The following PIP5K1B variants were observed in gnomAD, a reference collection of about 807,000 sequenced individuals.
PIP5K1B encodes the protein phosphatidylinositol-4-phosphate 5-kinase type 1 beta, also known as phosphatidylinositol 4-phosphate 5-kinase type-1 beta.
In PIP5K1B, 42 loss-of-function variants were observed where a neutral mutation model predicts 67.0. The ratio of observed to expected loss-of-function variants is 0.63; its 90% CI spans 0.49 to 0.81. The LOEUF (loss-of-function observed/expected upper bound fraction) is 0.81. Among genes scored for constraint, PIP5K1B ranks in the 30% least tolerant of loss-of-function variants. The pLI is 0.00. For synonymous variants in PIP5K1B, 214 were observed against 231.4 expected (o/e 0.92, Z 0.68); for missense variants, 459 against 646.3 (o/e 0.71, Z 3.14).
intron 1 of PIP5K1B, among the ~76,000 whole-genome samples, chr9:68,718,402 C>T (rs1827729536): frequency 6.6e-6 from 1 of 152,184 alleles, no homozygotes; most frequent in South Asian, 2.1e-4. Flanking sequence ...GGAAAACAAT[C>T]TCTGACTTTA....
intron 1 of PIP5K1B, among the ~76,000 whole-genome samples, chr9:68,733,247 G>A (rs995518654): frequency 6.6e-6 from 1 of 152,202 alleles, no homozygotes; most frequent in African/African-American, 2.4e-5. Flanking sequence ...TATGGCACTA[G>A]GTGCTGGTTA....
At chr9:68,779,328 C>T (rs922526291) in intron 2 of PIP5K1B, among the ~76,000 whole-genome samples, 1 of 150,902 alleles carries the variant, frequency 6.6e-6, no homozygotes, top group African/African-American at 2.5e-5. Context: ...CAATACCATC[C>T]TCTGTTTTGG....
intron 8 of PIP5K1B, among the ~76,000 whole-genome samples, chr9:68,903,831 CCAAAGTAACTTAA>C (rs1361499843): frequency 6.6e-6 from 1 of 152,112 alleles, no homozygotes; most frequent in Non-Finnish European, 1.5e-5. Flanking sequence ...CCTATAGATA[CCAAAGTAACTTAA>C]CATGTAAAAC....
chr9:68,820,479 C>T (rs1833683780), intron 3 of PIP5K1B, among the ~76,000 whole-genome samples: 1 of 152,044 alleles, frequency 6.6e-6, no homozygotes, highest in African/African-American at 2.4e-5. Context: ...GTGAGGTTGG[C>T]TCACCGTGAT....
intron 13 of PIP5K1B, 103 bp downstream of exon 13, chr9:68,935,148 A>G: frequency 1.1e-6 from 1 of 937,172 alleles, no homozygotes; most frequent in South Asian, 1.5e-5. Context: ...CTAAGAAATA[A>G]AATATATTAA....
chr9:68,913,747 G>C (rs1019403920), intron 8 of PIP5K1B, among the ~76,000 whole-genome samples: 1 of 152,010 alleles, frequency 6.6e-6, no homozygotes. Context: ...TTGGCCTCAC[G>C]AGGACAACTC....
At chr9:68,750,708 A>C (rs1427084044) in intron 2 of PIP5K1B, among the ~76,000 whole-genome samples, 1 of 152,232 alleles carries the variant, frequency 6.6e-6, no homozygotes, top group East Asian at 1.9e-4. Context: ...ACTTATATGC[A>C]CAATAAATTA....
intron 1 of PIP5K1B, among the ~76,000 whole-genome samples, chr9:68,716,467 A>G (rs58093852): frequency 0.12 from 18,075 of 152,270 alleles, 1,179 homozygotes; most frequent in African/African-American, 0.14. Context: ...GAAGTGCCCA[A>G]GAAACATGAA....
At chr9:68,881,699 G>A (rs1824206974) in intron 6 of PIP5K1B, among the ~76,000 whole-genome samples, 2 of 152,220 alleles carry the variant, frequency 1.3e-5, no homozygotes, top group Non-Finnish European at 2.9e-5. Flanking sequence ...TGGATTGTGA[G>A]ACAGTATGGT....
rs528138069 is a variant in PIP5K1B at position 68,974,488 on chromosome 9, G to T, written c.1503-16652G>T. On this transcript the variant is annotated intron_variant, in intron 14 of 15. Transcript: ENST00000265382. ...TGGGTATATAAAAGAACCACTGCCA[G>T]AGATTACTAAAGCTGTACCATGATT... Among the ~76,000 whole-genome samples, 3 of 152,326 alleles carry T rather than the reference G, an allele frequency of 2.0e-5. No individual in the cohort carries two copies. The East Asian group carries it at 5.8e-4, about 29-fold the overall frequency.
At chr9:68,806,758 C>T (rs572801464) in intron 2 of PIP5K1B, among the ~76,000 whole-genome samples, 2 of 152,270 alleles carry the variant, frequency 1.3e-5, no homozygotes, top group Non-Finnish European at 1.5e-5. Context: ...GACTCTAGAC[C>T]ACAGTCACCT....
chr9:68,937,084 G>T (rs182236662), intron 13 of PIP5K1B, among the ~76,000 whole-genome samples: 34 of 152,190 alleles, frequency 2.2e-4, no homozygotes, highest in East Asian at 3.9e-4. Flanking sequence ...TTTTTGCTGT[G>T]TCTCTGCCAG....
At chr9:68,976,202 A>G (rs1264966009) in intron 14 of PIP5K1B, among the ~76,000 whole-genome samples, 10 of 152,202 alleles carry the variant, frequency 6.6e-5, no homozygotes. Context: ...TAGGCCAGGA[A>G]TTGTTTCCTG....
At chr9:68,866,739 G>T (rs960431710) in intron 5 of PIP5K1B, among the ~76,000 whole-genome samples, 2 of 152,188 alleles carry the variant, frequency 1.3e-5, no homozygotes, top group Non-Finnish European at 2.9e-5. Flanking sequence ...AGAGGAAGGT[G>T]GGGGCTGGTG....
At chr9:68,947,059 G>T (rs868203082) in intron 14 of PIP5K1B, among the ~76,000 whole-genome samples, 1 of 152,204 alleles carries the variant, frequency 6.6e-6, no homozygotes, top group Non-Finnish European at 1.5e-5. Context: ...TGCAGCTGCC[G>T]CATAAGTCTC....
chr9:68,939,656 G>A (rs1249971279), intron 13 of PIP5K1B, among the ~76,000 whole-genome samples: 3 of 152,120 alleles, frequency 2.0e-5, no homozygotes, highest in Non-Finnish European at 4.4e-5. Context: ...CCAGTGTGTC[G>A]TCTGATTTCC....
In PIP5K1B at chr9:68,747,245, C is replaced by T. The variant is rs369416789; in HGVS notation, c.-86+4588C>T. Among the ~76,000 whole-genome samples the T allele has an allele frequency of 1.7e-4, 25 of 147,906 alleles. No individual in the cohort carries two copies. The East Asian group carries it at 2.3e-3, about 14-fold the overall frequency. ...TTCAGGAGGAGGAGGAGGCTTATCT[C>T]GTATGTGCACATTCTTCTGGTGTGT... On this transcript the variant is annotated intron_variant, in intron 2 of 15. Coordinates refer to ENST00000265382, the MANE Select transcript of PIP5K1B (RefSeq NM_003558.4).
At chr9:68,833,264 C>T (rs1834414864) in intron 4 of PIP5K1B, among the ~76,000 whole-genome samples, 3 of 152,224 alleles carry the variant, frequency 2.0e-5, no homozygotes, top group African/African-American at 7.2e-5. Flanking sequence ...CCTAAGGAGG[C>T]AGCACAGGGG....
intron 4 of PIP5K1B, among the ~76,000 whole-genome samples, chr9:68,838,834 G>C (rs1428420810): frequency 6.6e-6 from 1 of 152,110 alleles, no homozygotes; most frequent in Non-Finnish European, 1.5e-5. Context: ...ACCATGGAAA[G>C]GCAATTATTG....
Sources: allele counts gnomAD v4.1 joint callset (sites outside exome capture counted in the v4.1 genomes callset), GRCh38; gene constraint gnomAD v4.1.1; transcripts MANE v1.5; gene names NCBI Gene and HGNC (gene_info 2026-07-23, HGNC 2026-07-21).